Variants in CAMTA1 observed in about 807,000 individuals in gnomAD.
The protein encoded by CAMTA1 is calmodulin-binding transcription activator 1.
In CAMTA1, 27 loss-of-function variants were observed where a neutral mutation model predicts 170.9. The ratio of observed to expected loss-of-function variants is 0.16; its 90% CI spans 0.12 to 0.22. The LOEUF (loss-of-function observed/expected upper bound fraction) is 0.22, where lower values mean the gene tolerates loss of function less well. Among genes scored for constraint, CAMTA1 ranks in the 10% least tolerant of loss-of-function variants. The pLI is 1.00. For missense variants in CAMTA1, 1,619 were observed against 2,217.2 expected, an observed-to-expected ratio of 0.73 and a Z score of 5.42; for synonymous variants, 833 against 891.5, an observed-to-expected ratio of 0.93 and a Z score of 1.17.
chr1:7,040,340 G>A (rs1310809325), intron 3 of CAMTA1, among the ~76,000 whole-genome samples: 1 of 152,166 alleles, frequency 6.6e-6, no homozygotes, highest in Non-Finnish European at 1.5e-5. Flanking sequence ...CACGGCATGC[G>A]TGTGATCCGG....
At chr1:7,094,367 A>C (rs1641824071) in intron 4 of CAMTA1, among the ~76,000 whole-genome samples, 1 of 150,816 alleles carries the variant, frequency 6.6e-6, no homozygotes, top group African/African-American at 2.4e-5. Flanking sequence ...TACTCTGCTG[A>C]ATGAGAAGGC....
chr1:7,374,879 G>A (rs566454643), intron 5 of CAMTA1, among the ~76,000 whole-genome samples: 14 of 152,308 alleles, frequency 9.2e-5, no homozygotes, highest in African/African-American at 3.1e-4. Flanking sequence ...AGTCGGCAGC[G>A]GGACCAGGAT....
At position 7,498,191 on chromosome 1, in the gene CAMTA1, A is replaced by AGTGTT. The variant is rs1553182529; in HGVS notation, c.510+30294_510+30295insTGTGT. ...GTGTGCATGTGTGTGTATGAGAGTG[A>AGTGTT]GTGTGTGTGTGTGTGACAGTGTGGA... On this transcript the variant is annotated intron_variant, in intron 6 of 22. Coordinates refer to ENST00000303635, the MANE Select transcript of CAMTA1 (RefSeq NM_015215.4). 4.0e-3 allele frequency among the ~76,000 whole-genome samples: 590 copies of AGTGTT among 148,630 alleles called. 2 individuals carry two copies. Among genetic ancestry groups the AGTGTT allele is most frequent in the African/African-American group, 0.014 (569 of 40,074 alleles).
intron 5 of CAMTA1, among the ~76,000 whole-genome samples, chr1:7,465,386 C>T (rs1235318527): frequency 6.6e-6 from 1 of 152,090 alleles, no homozygotes; most frequent in East Asian, 1.9e-4. Context: ...TTTTTCTTTC[C>T]TCCTCTGGTA....
At chr1:7,714,073 ATAT>A (rs1171025642) in intron 11 of CAMTA1, among the ~76,000 whole-genome samples, 3 of 152,144 alleles carry the variant, frequency 2.0e-5, no homozygotes, top group Non-Finnish European at 2.9e-5. Context: ...TTGTGGAAAG[ATAT>A]TATCTATGCA....
intron 4 of CAMTA1, among the ~76,000 whole-genome samples, chr1:7,142,486 C>A (rs1645944649): frequency 6.6e-6 from 1 of 152,186 alleles, no homozygotes; most frequent in Non-Finnish European, 1.5e-5. Flanking sequence ...TGTTTGTACT[C>A]CTAAACCTGT....
At chr1:7,032,804 A>G (rs1244582680) in intron 3 of CAMTA1, among the ~76,000 whole-genome samples, 2 of 151,932 alleles carry the variant, frequency 1.3e-5, no homozygotes, top group African/African-American at 4.8e-5. Context: ...TTTTTGAAAG[A>G]TATTTTCAAT....
intron 6 of CAMTA1, among the ~76,000 whole-genome samples, chr1:7,512,826 G>T (rs1404341484): frequency 5.3e-5 from 8 of 152,198 alleles, no homozygotes; most frequent in Non-Finnish European, 1.0e-4. Flanking sequence ...GGCTGGGAGG[G>T]AGGGAGCCAG....
intron 6 of CAMTA1, among the ~76,000 whole-genome samples, chr1:7,490,481 G>A (rs1229815495): frequency 5.3e-5 from 8 of 152,026 alleles, no homozygotes; most frequent in Admixed American, 1.3e-4. Flanking sequence ...GCAAAACCCC[G>A]TCTCTACTAA....
chr1:6,817,218 A>C (rs973351835), intron 1 of CAMTA1, among the ~76,000 whole-genome samples: 1 of 152,182 alleles, frequency 6.6e-6, no homozygotes, highest in African/African-American at 2.4e-5. Flanking sequence ...ATTTTTAAAA[A>C]CTTTTCACCT....
chr1:7,632,098 G>T lies in CAMTA1; in HGVS notation c.511-8302G>T, dbSNP rs934847497. On this transcript the variant is annotated intron_variant, in intron 6 of 22. Transcript: ENST00000303635. ...TTCTCCCTCCCAGCCTTGCACACCC[G>T]TTTCACAGGCTCCTACCCTCGTTGT... 2.0e-5 allele frequency among the ~76,000 whole-genome samples: 3 copies of T among 152,142 alleles called. No individual in the cohort carries two copies. The South Asian group carries it at 6.2e-4, about 32-fold the overall frequency.
intron 3 of CAMTA1, among the ~76,000 whole-genome samples, chr1:7,080,477 G>A (rs1391903353): frequency 6.6e-6 from 1 of 152,076 alleles, no homozygotes; most frequent in Admixed American, 6.6e-5. Context: ...ACCTTTTAGT[G>A]TGTTTTCTAG....
intron 3 of CAMTA1, among the ~76,000 whole-genome samples, chr1:6,969,139 A>G (rs1455361161): frequency 6.6e-6 from 1 of 152,128 alleles, no homozygotes; most frequent in Non-Finnish European, 1.5e-5. Context: ...CTCCGTGGGC[A>G]TTTTCAGTGA....
chr1:7,314,816 C>A (rs1465055076), intron 5 of CAMTA1, among the ~76,000 whole-genome samples: 1 of 152,144 alleles, frequency 6.6e-6, no homozygotes, highest in Non-Finnish European at 1.5e-5. Context: ...TCAGGTACAC[C>A]ACCCCTAAGG....
At chr1:7,302,834 A>G (rs1332929366) in intron 5 of CAMTA1, among the ~76,000 whole-genome samples, 1 of 152,206 alleles carries the variant, frequency 6.6e-6, no homozygotes, top group East Asian at 1.9e-4. Flanking sequence ...AGCACCCACC[A>G]TGTTTCAGAC....
At chr1:6,883,921 A>G (rs1009093954) in intron 3 of CAMTA1, among the ~76,000 whole-genome samples, 2 of 152,184 alleles carry the variant, frequency 1.3e-5, no homozygotes, top group Non-Finnish European at 2.9e-5. Context: ...CCATGTAGTA[A>G]GTATAAAAAT....
Position 7,753,987 on chromosome 1 carries a change from A to G in CAMTA1, c.4958+1454A>G, listed in dbSNP as rs533097416. ...GGCAGCCTCTTTCCTTTATTATTCA[A>G]TCATACCTTTTACTTAGCAGGGACT... On this transcript the variant is annotated intron_variant, in intron 21 of 22. Transcript: ENST00000303635. 4.3e-4 allele frequency among the ~76,000 whole-genome samples: 65 copies of G among 152,336 alleles called. 1 individual carries two copies. The highest frequency in any genetic ancestry group is 1.3e-3 in the African/African-American group (53 of 41,580).
chr1:7,418,746 C>T (rs12057372), intron 5 of CAMTA1, among the ~76,000 whole-genome samples: 5,248 of 152,264 alleles, frequency 0.034, 297 homozygotes, highest in African/African-American at 0.12. Flanking sequence ...TCTTGGTCAG[C>T]GGCAACCCTG....
chr1:6,998,123 G>A lies in CAMTA1; in HGVS notation c.235-93181G>A, dbSNP rs57579524. 3.9e-3 allele frequency among the ~76,000 whole-genome samples: 596 copies of A among 152,114 alleles called. 5 individuals carry two copies. Among genetic ancestry groups the A allele is most frequent in the African/African-American group, 0.014 (583 of 41,500 alleles). ...GATGGAGTCTCGCTCTGTCACCCAGGCTGGAGCGCAGTGGCACGGTCTTGG... is the reference window on the plus strand; with the variant it reads ...GATGGAGTCTCGCTCTGTCACCCAGACTGGAGCGCAGTGGCACGGTCTTGG... On this transcript the variant is annotated intron_variant, in intron 3 of 22. Transcript: ENST00000303635.
Sources: gnomAD v4.1 joint callset for allele counts (sites outside exome capture counted in the v4.1 genomes callset) on GRCh38, gnomAD v4.1.1 for gene constraint, MANE v1.5 for transcripts, NCBI Gene and HGNC (gene_info 2026-07-23, HGNC 2026-07-21) for gene names.